NEK4: variants seen among roughly 807,000 people sequenced by gnomAD.
NEK4 encodes serine/threonine-protein kinase Nek4.
NEK4 carries 86 observed loss-of-function variants against 98.4 expected under a neutral mutation model. The ratio of observed to expected loss-of-function variants is 0.87; its 90% CI spans 0.73 to 1.05. The LOEUF (loss-of-function observed/expected upper bound fraction) is 1.05, where lower values mean the gene tolerates loss of function less well. NEK4 is among the 50% of genes least tolerant of loss of function. The probability of loss-of-function intolerance (pLI) is 0.00; values close to 1 mark genes in which losing one functional copy is unlikely to be tolerated. For missense variants in NEK4, 898 were observed against 950.3 expected (o/e 0.94, Z 0.72); for synonymous variants, 328 against 342.2 (o/e 0.96, Z 0.46).
rs1294130964 is a variant in NEK4 at position 52,743,411 on chromosome 3, G to A, written c.1945C>T (p.Gln649Ter). ...SLSVAGPGKP[Q>*]EEDQPLPARR... ...GCAGGCAAGGGCTGGTCTTCTTCCT[G>A]GGGTTTTCCTGGCCCTGCTACACTC... Residue 649 changes from glutamine (Q) to a stop codon, truncating the protein, a stop_gained, in exon 12 of 16, where the codon CAG becomes TAG. Transcript: ENST00000233027. LOFTEE classifies it high-confidence loss of function. 15 of 1,614,124 alleles carry A rather than the reference G, an allele frequency of 9.3e-6. No homozygotes were observed. Among genetic ancestry groups the A allele is most frequent in the Non-Finnish European group, 1.3e-5 (15 of 1,180,008 alleles).
chr3:52,738,940 A>G (rs1429726593), intron 14 of NEK4, among the ~76,000 whole-genome samples: 1 of 152,230 alleles, frequency 6.6e-6, no homozygotes, highest in Non-Finnish European at 1.5e-5. Flanking sequence ...TTAAAAATTA[A>G]TTTTCATGTA....
chr3:52,741,533 T>A (rs1353160740), intron 12 of NEK4, 34 bp from the exon 13 acceptor site: 1 of 1,333,970 alleles, frequency 7.5e-7, no homozygotes, highest in Non-Finnish European at 1.1e-6. Context: ...AAATTCTACA[T>A]GACAACACAA....
intron 6 of NEK4, among the ~76,000 whole-genome samples, chr3:52,756,311 T>C (rs956259903): frequency 3.9e-5 from 6 of 152,064 alleles, no homozygotes; most frequent in South Asian, 2.1e-4. Flanking sequence ...AAAAGAAGAA[T>C]AGAGATGGAG....
rs1331660792 is a variant in NEK4 at position 52,711,260 on chromosome 3, G to C, written c.*517C>G. 1 of 152,188 alleles carries C rather than the reference G, an allele frequency of 6.6e-6. No homozygotes were observed. The highest frequency in any genetic ancestry group is 1.5e-5 in the Non-Finnish European group (1 of 68,052). 9.4% of individuals were successfully genotyped at this position (152,188 alleles called of 1,614,324 possible). On this transcript the variant is annotated 3_prime_UTR_variant, in exon 16 of 16. Coordinates refer to ENST00000233027, the MANE Select transcript of NEK4 (RefSeq NM_003157.6). Reference sequence around the variant, plus strand: ...AAGAAATACAGCTGCTCAAGTACTAGATAGAACTTCATATTCTTTAAATCT... The same window carrying C: ...AAGAAATACAGCTGCTCAAGTACTACATAGAACTTCATATTCTTTAAATCT...
At chr3:52,741,315 G>A (rs2154103841) in intron 13 of NEK4, 96 bp downstream of exon 13, 1 of 665,610 alleles carries the variant, frequency 1.5e-6, no homozygotes, top group Non-Finnish European at 2.7e-6. Flanking sequence ...TTTATCAGTG[G>A]GAATACTAGA....
intron 1 of NEK4, 36 bp downstream of exon 1, chr3:52,770,618 C>T (rs1427400369): frequency 2.1e-6 from 3 of 1,444,504 alleles, no homozygotes; most frequent in Admixed American, 2.0e-5. Flanking sequence ...CACTTCTGCC[C>T]GCCCCCGCCC....
intron 1 of NEK4, among the ~76,000 whole-genome samples, chr3:52,769,672 C>T (rs989469875): frequency 6.6e-6 from 1 of 152,180 alleles, no homozygotes; most frequent in Non-Finnish European, 1.5e-5. Flanking sequence ...GGCAATTGGG[C>T]CCTATATTTA....
intron 15 of NEK4, among the ~76,000 whole-genome samples, chr3:52,736,073 T>G (rs560767553): frequency 8.5e-5 from 13 of 152,170 alleles, no homozygotes; most frequent in Non-Finnish European, 1.8e-4. Flanking sequence ...CGTGGCATAT[T>G]TACTCTTATT....
At position 52,711,781 on chromosome 3, in the gene NEK4, A is replaced by C. The variant is rs745966590; in HGVS notation, c.2522T>G (p.Phe841Cys). 1.2e-5 allele frequency: 20 copies of C among 1,602,092 alleles called. No individual in the cohort carries two copies. In the South Asian group the frequency reaches 2.2e-4, roughly 18 times the overall value. Residue 841 changes from phenylalanine (F) to cysteine (C), a missense_variant, in exon 16 of 16, where the codon TTT (phenylalanine) becomes TGT (cysteine). Phe to Cys is a radical substitution (Grantham distance 205). Transcript: ENST00000233027. ...QLKFFEENMN[F>C] ...GCAGCAGATTAGGACAAATGCTCAA[A>C]AATTCATGTTTTCTTCAAAAAATTT...
At chr3:52,761,957 G>A (rs17477867) in intron 5 of NEK4, among the ~76,000 whole-genome samples, 7,166 of 152,256 alleles carry the variant, frequency 0.047, 203 homozygotes, top group Middle Eastern at 0.068. Flanking sequence ...AACCTCTGGA[G>A]AATTCAAGAG....
chr3:52,712,820 A>G (rs931581346), intron 15 of NEK4, among the ~76,000 whole-genome samples: 1 of 152,080 alleles, frequency 6.6e-6, no homozygotes, highest in African/African-American at 2.4e-5. Flanking sequence ...ATGTCCTCTC[A>G]ATGTCCAGCT....
intron 15 of NEK4, among the ~76,000 whole-genome samples, chr3:52,717,885 C>G (rs1009159217): frequency 3.3e-5 from 5 of 152,024 alleles, no homozygotes; most frequent in Non-Finnish European, 7.4e-5. Context: ...TGCCCCCTCC[C>G]TGGGTTCAAG....
chr3:52,737,618 G>T lies in NEK4; in HGVS notation c.2401C>A (p.Leu801Ile). Reference protein sequence around the residue: ...GVQLLEQVYDLLEEEDEFDRE... With the variant: ...GVQLLEQVYDILEEEDEFDRE... ...TCAAATTCATCCTCCTCCTCCAAAAGATCATACACCTGCTCTAAAAGCTGA... is the reference window on the plus strand; with the variant it reads ...TCAAATTCATCCTCCTCCTCCAAAATATCATACACCTGCTCTAAAAGCTGA... The change falls in exon 15 of 16, where the codon CTT (leucine) becomes ATT (isoleucine). Residue 801 changes from leucine (L) to isoleucine (I), a missense_variant. Leu to Ile is a conservative substitution (Grantham distance 5). Transcript: ENST00000233027. The T allele has an allele frequency of 1.9e-6, 3 of 1,613,722 alleles. No homozygotes were observed.
intron 15 of NEK4, among the ~76,000 whole-genome samples, chr3:52,715,891 G>A (rs1330893900): frequency 1.3e-5 from 2 of 152,310 alleles, no homozygotes; most frequent in East Asian, 1.9e-4. Flanking sequence ...GGCCCTTCAA[G>A]GAGCCCAGAC....
chr3:52,749,384 C>T (rs576154752), intron 8 of NEK4, among the ~76,000 whole-genome samples: 189 of 151,752 alleles, frequency 1.2e-3, no homozygotes, highest in South Asian at 6.2e-4. Context: ...CCTCCTGCCT[C>T]GGCCTCCCAA....
In NEK4 at chr3:52,710,002, G is replaced by A. The variant is rs1243889988; in HGVS notation, c.*1775C>T. The stretch of plus-strand genomic sequence containing the variant: ...GCACTGTAAAAGGGCAGGAAGTATT[G>A]TTTTATTCACCACTATATCCCCAGC... On this transcript the variant is annotated 3_prime_UTR_variant, in exon 16 of 16. Transcript: ENST00000233027. 1 of 152,208 alleles carries A rather than the reference G, an allele frequency of 6.6e-6. No individual in the cohort carries two copies. Among genetic ancestry groups the A allele is most frequent in the African/African-American group, 2.4e-5 (1 of 41,446 alleles). 9.4% of individuals were successfully genotyped at this position (152,208 alleles called of 1,614,324 possible).
chr3:52,746,815 C>CA lies in NEK4; in HGVS notation c.1595dup (p.Ser533ValfsTer13). ...TCCTCTTTTGCCGTCGCTGTCGAGA[C>CA]AGGGAAGGTTCAGACCCAGAGTTGT... On this transcript the variant is annotated frameshift_variant, in exon 9 of 16. Transcript: ENST00000233027. LOFTEE classifies it high-confidence loss of function. 1 of 1,614,162 alleles carries CA rather than the reference C, an allele frequency of 6.2e-7. No homozygotes were observed. The highest frequency in any genetic ancestry group is 8.5e-7 in the Non-Finnish European group (1 of 1,180,006).
intron 13 of NEK4, among the ~76,000 whole-genome samples, chr3:52,740,499 G>C (rs1244146177): frequency 2.0e-5 from 3 of 152,074 alleles, no homozygotes; most frequent in Admixed American, 6.6e-5. Flanking sequence ...ATGTGAAACA[G>C]AAAAAAAGTA....
At chr3:52,742,232 CT>C (rs568006345) in intron 12 of NEK4, among the ~76,000 whole-genome samples, 44 of 145,776 alleles carry the variant, frequency 3.0e-4, no homozygotes, top group East Asian at 7.9e-4. Context: ...CTCAGCTTGT[CT>C]TTTTTTTTTT....
Sources: gnomAD v4.1 joint callset for allele counts (sites outside exome capture counted in the v4.1 genomes callset) on GRCh38, gnomAD v4.1.1 for gene constraint, MANE v1.5 for transcripts, NCBI Gene and HGNC (gene_info 2026-07-23, HGNC 2026-07-21) for gene names.